URI1: variants seen among roughly 807,000 people sequenced by gnomAD.
URI1 encodes the protein unconventional prefoldin RPB5 interactor 1.
Under a neutral mutation model 60.2 loss-of-function variants are expected in URI1, and 39 were observed. The ratio of observed to expected loss-of-function variants is 0.65; its 90% CI spans 0.50 to 0.85. The LOEUF is 0.85. Ranked by LOEUF, URI1 falls within the 40% of genes least tolerant of loss-of-function variation. The probability of loss-of-function intolerance (pLI) is 0.00; values close to 1 mark genes in which losing one functional copy is unlikely to be tolerated. For synonymous variants in URI1, 251 were observed against 236.8 expected (o/e 1.06, Z -0.55); for missense variants, 691 against 665.9 (o/e 1.04, Z -0.42).
intron 4 of URI1, among the ~76,000 whole-genome samples, chr19:29,999,803 T>C (rs1291562418): frequency 6.6e-6 from 1 of 152,020 alleles, no homozygotes; most frequent in Non-Finnish European, 1.5e-5. Context: ...TATATAGCTT[T>C]AAATAACCAC....
intron 1 of URI1, among the ~76,000 whole-genome samples, chr19:29,960,952 C>T (rs1034643600): frequency 1.3e-5 from 2 of 152,006 alleles, no homozygotes; most frequent in Admixed American, 6.5e-5. Context: ...CTCCTGAGCT[C>T]AAGTGATCCT....
chr19:29,954,730 G>T (rs1396954002), intron 1 of URI1, among the ~76,000 whole-genome samples: 1 of 151,814 alleles, frequency 6.6e-6, no homozygotes, highest in Middle Eastern at 3.2e-3. Context: ...GTTCGCCAGG[G>T]TGGTTTCAAA....
intron 1 of URI1, among the ~76,000 whole-genome samples, chr19:29,946,856 G>A (rs1175113117): frequency 6.6e-6 from 1 of 152,198 alleles, no homozygotes; most frequent in Non-Finnish European, 1.5e-5. Flanking sequence ...GTGCAGTAAT[G>A]AACAAAATAC....
intron 4 of URI1, among the ~76,000 whole-genome samples, chr19:29,998,727 T>A (rs1041562814): frequency 6.6e-6 from 1 of 152,132 alleles, no homozygotes; most frequent in Non-Finnish European, 1.5e-5. Context: ...TTATAGACAG[T>A]ATATAGTTGG....
At chr19:29,931,842 T>C (rs998385783) in intron 1 of URI1, among the ~76,000 whole-genome samples, 1 of 152,014 alleles carries the variant, frequency 6.6e-6, no homozygotes, top group Admixed American at 6.6e-5. Context: ...TATCCTACTA[T>C]ATAGAAACTG....
chr19:29,929,727 C>T (rs947438085), intron 1 of URI1, among the ~76,000 whole-genome samples: 8 of 152,040 alleles, frequency 5.3e-5, no homozygotes, highest in Admixed American at 3.3e-4. Flanking sequence ...TTTCATGTGC[C>T]TATTGGCCAT....
At chr19:29,994,864 C>A (rs1330352807) in intron 4 of URI1, among the ~76,000 whole-genome samples, 2 of 151,632 alleles carry the variant, frequency 1.3e-5, no homozygotes, top group Non-Finnish European at 2.9e-5. Flanking sequence ...TCACTGCAGC[C>A]TCCGCCTCCC....
chr19:29,980,623 A>AC (rs2055582558), intron 2 of URI1, among the ~76,000 whole-genome samples: 1 of 145,328 alleles, frequency 6.9e-6, no homozygotes, highest in Admixed American at 6.9e-5. Context: ...AAAAAAAAAA[A>AC]AAAAAAAAAA....
At chr19:30,008,923 A>G in intron 7 of URI1, 82 bp from the exon 8 acceptor site, 1 of 1,071,050 alleles carries the variant, frequency 9.3e-7, no homozygotes, top group South Asian at 1.8e-5. Flanking sequence ...CTTAGTATTT[A>G]CCCATGGAAA....
chr19:29,985,154 A>ATCCTT, intron 2 of URI1, 69 bp from the exon 3 acceptor site: 1 of 373,424 alleles, frequency 2.7e-6, no homozygotes, highest in South Asian at 5.2e-5. Context: ...AAAAAAAAAA[A>ATCCTT]AAAAAAAAAA....
chr19:29,927,352 C>T (rs1380965330), intron 1 of URI1, among the ~76,000 whole-genome samples: 3 of 150,658 alleles, frequency 2.0e-5, no homozygotes, highest in African/African-American at 7.3e-5. Context: ...CAACCTCTGC[C>T]TCCCAGGTTC....
In URI1 at chr19:30,013,544, A is replaced by G. The variant is rs2056049035; in HGVS notation, c.1425+1013A>G. ...AATTGCTGATAAATGTTTGAAAATT[A>G]GTTTTTTGTAAGGACTTAGTGTATC... On this transcript the variant is annotated intron_variant, in intron 10 of 10. Coordinates refer to ENST00000392271, the MANE Select transcript of URI1 (RefSeq NM_003796.3). Among the ~76,000 whole-genome samples, 4 of 152,272 alleles carry G rather than the reference A, an allele frequency of 2.6e-5. No homozygotes were observed. The South Asian group carries it at 8.3e-4, about 32-fold the overall frequency.
chr19:29,971,173 G>GT lies in URI1; in HGVS notation c.118-18dup. 1 of 1,611,670 alleles carries GT rather than the reference G, an allele frequency of 6.2e-7. No homozygotes were observed. Among genetic ancestry groups the GT allele is most frequent in the Non-Finnish European group, 8.5e-7 (1 of 1,178,824 alleles). On this transcript the variant is annotated intron_variant, in intron 1 of 10. Transcript: ENST00000392271. ...GCATAGCTCTGTTTTTTCATGAGTA[G>GT]TTATCTGTTTTCATGACAGGTGGTC... is the stretch of plus-strand genomic sequence containing the variant.
intron 2 of URI1, among the ~76,000 whole-genome samples, chr19:29,982,917 C>A (rs1000457708): frequency 2.6e-5 from 4 of 152,058 alleles, no homozygotes; most frequent in Non-Finnish European, 5.9e-5. Context: ...AAGTATTAGT[C>A]CAATTTTGCC....
At chr19:29,995,109 A>T (rs1249682962) in intron 4 of URI1, among the ~76,000 whole-genome samples, 1 of 152,200 alleles carries the variant, frequency 6.6e-6, no homozygotes, top group Non-Finnish European at 1.5e-5. Flanking sequence ...AGGAACCTCC[A>T]TTCTGTCTTT....
chr19:29,953,203 G>A (rs1157658204), intron 1 of URI1, among the ~76,000 whole-genome samples: 2 of 152,048 alleles, frequency 1.3e-5, no homozygotes, highest in African/African-American at 2.4e-5. Context: ...ACCACATGTG[G>A]CTATTATACT....
intron 4 of URI1, among the ~76,000 whole-genome samples, chr19:29,993,286 T>G (rs568924985): frequency 6.6e-6 from 1 of 152,112 alleles, no homozygotes; most frequent in Non-Finnish European, 1.5e-5. Flanking sequence ...GGGGAAGCAT[T>G]GGATGAGTGG....
intron 4 of URI1, among the ~76,000 whole-genome samples, chr19:30,004,814 G>A (rs559535274): frequency 6.6e-6 from 1 of 152,170 alleles, no homozygotes; most frequent in East Asian, 1.9e-4. Context: ...TAGGTTAATA[G>A]AGGGTGGTAT....
chr19:30,011,121 A>G lies in URI1; in HGVS notation c.1063A>G (p.Thr355Ala). The change falls in exon 9 of 11, where the codon ACT becomes GCT. Residue 355 changes from threonine to alanine, a missense_variant. Transcript: ENST00000392271. ...RVRINTGKNTTLKFSEKKEEA... is the reference protein window; with the variant it reads ...RVRINTGKNTALKFSEKKEEA... Reference sequence around the variant, plus strand: ...CCGAATAAATACTGGAAAGAATACCACTTTAAAATTCAGTGAAAAGAAAGA... The same window carrying G: ...CCGAATAAATACTGGAAAGAATACCGCTTTAAAATTCAGTGAAAAGAAAGA... The G allele has an allele frequency of 6.2e-7, 1 of 1,612,226 alleles. No homozygotes were observed. The highest frequency in any genetic ancestry group is 8.5e-7 in the Non-Finnish European group (1 of 1,179,430).
Sources: allele counts gnomAD v4.1 joint callset (sites outside exome capture counted in the v4.1 genomes callset), GRCh38; gene constraint gnomAD v4.1.1; transcripts MANE v1.5; gene names NCBI Gene and HGNC (gene_info 2026-07-23, HGNC 2026-07-21).